PPP4R3B: variants seen among roughly 807,000 people sequenced by gnomAD.
The protein encoded by PPP4R3B is serine/threonine-protein phosphatase 4 regulatory subunit 3B.
PPP4R3B carries 52 observed loss-of-function variants against 95.4 expected under a neutral mutation model. The ratio of observed to expected loss-of-function variants is 0.54; its 90% confidence interval spans 0.44 to 0.69. PPP4R3B has a LOEUF of 0.69. Ranked by LOEUF, PPP4R3B falls within the 30% of genes least tolerant of loss-of-function variation. The pLI, the probability that PPP4R3B is intolerant of heterozygous loss-of-function variation, is 0.00. For missense variants in PPP4R3B, 1,003 were observed against 1,005.9 expected, an observed-to-expected ratio of 1.00 and a Z score of 0.04; for synonymous variants, 407 against 343.9, an observed-to-expected ratio of 1.18 and a Z score of -2.03.
At chr2:55,595,195 T>C (rs1364794779) in intron 4 of PPP4R3B, among the ~76,000 whole-genome samples, 2 of 152,012 alleles carry the variant, frequency 1.3e-5, no homozygotes. Context: ...GGCTAATTTT[T>C]GTATTTTTAG....
chr2:55,583,053 G>T (rs1689641971), intron 7 of PPP4R3B, among the ~76,000 whole-genome samples: 1 of 152,028 alleles, frequency 6.6e-6, no homozygotes, highest in African/African-American at 2.4e-5. Context: ...TGTAATCCAT[G>T]TTGCCATAAC....
intron 13 of PPP4R3B, among the ~76,000 whole-genome samples, chr2:55,566,913 G>A (rs1390944439): frequency 6.6e-6 from 1 of 152,178 alleles, no homozygotes; most frequent in Non-Finnish European, 1.5e-5. Flanking sequence ...GGCTGACGTG[G>A]GAGGATCTGC....
intron 9 of PPP4R3B, among the ~76,000 whole-genome samples, chr2:55,579,197 A>C (rs1352654183): frequency 6.6e-6 from 1 of 152,106 alleles, no homozygotes; most frequent in Non-Finnish European, 1.5e-5. Context: ...AGAATATGGA[A>C]ATGCAATTTT....
At chr2:55,589,966 T>C in intron 4 of PPP4R3B, among the ~76,000 whole-genome samples, 1 of 141,454 alleles carries the variant, frequency 7.1e-6, no homozygotes. Context: ...ATTATATATA[T>C]ATTTATATAT....
At chr2:55,603,341 C>T (rs909519833) in intron 3 of PPP4R3B, among the ~76,000 whole-genome samples, 1 of 152,132 alleles carries the variant, frequency 6.6e-6, no homozygotes, top group Non-Finnish European at 1.5e-5. Context: ...AAGGTATAAT[C>T]TAATACAGTA....
intron 4 of PPP4R3B, among the ~76,000 whole-genome samples, chr2:55,592,959 A>C (rs6712511): frequency 6.6e-6 from 1 of 152,070 alleles, no homozygotes; most frequent in African/African-American, 2.4e-5. Flanking sequence ...TTGGGAGTTC[A>C]AGACCAGCCT....
intron 6 of PPP4R3B, 30 bp downstream of exon 6, chr2:55,586,588 C>G: frequency 7.3e-7 from 1 of 1,374,214 alleles, no homozygotes; most frequent in Non-Finnish European, 1.0e-6. Context: ...TTTACAATTT[C>G]AAAAACATGA....
At chr2:55,609,829 T>A (rs75403936) in intron 2 of PPP4R3B, among the ~76,000 whole-genome samples, 3,864 of 152,228 alleles carry the variant, frequency 0.025, 162 homozygotes, top group African/African-American at 0.087. Context: ...TACAATTGTA[T>A]GCATATTTGC....
chr2:55,612,742 A>G (rs1036717475), intron 2 of PPP4R3B, among the ~76,000 whole-genome samples: 16 of 152,216 alleles, frequency 1.1e-4, no homozygotes, highest in Non-Finnish European at 2.4e-4. Flanking sequence ...CAGGAGATCG[A>G]GACCATTCTG....
intron 16 of PPP4R3B, among the ~76,000 whole-genome samples, chr2:55,557,472 C>A (rs1013138): frequency 0.22 from 33,603 of 152,118 alleles, 3,824 homozygotes; most frequent in East Asian, 0.3. Flanking sequence ...GGATACTGTG[C>A]CCAGCCCAAA....
At chr2:55,581,532 G>C in intron 8 of PPP4R3B, 35 bp downstream of exon 8, 2 of 1,596,242 alleles carry the variant, frequency 1.3e-6, no homozygotes, top group South Asian at 2.3e-5. Flanking sequence ...AAACTGACTA[G>C]GCCAAAACAT....
intron 10 of PPP4R3B, 123 bp downstream of exon 10, chr2:55,578,124 G>C (rs760488422): frequency 5.9e-6 from 6 of 1,010,554 alleles, no homozygotes; most frequent in African/African-American, 3.3e-5. Flanking sequence ...AAAATATGCA[G>C]AATAATATGT....
intron 4 of PPP4R3B, among the ~76,000 whole-genome samples, chr2:55,595,011 C>T (rs1691566779): frequency 6.6e-6 from 1 of 150,624 alleles, no homozygotes; most frequent in Non-Finnish European, 1.5e-5. Flanking sequence ...TTATTTGTAT[C>T]AGGACCCTTT....
chr2:55,555,793 T>A (rs955365500), intron 16 of PPP4R3B, among the ~76,000 whole-genome samples: 1 of 152,210 alleles, frequency 6.6e-6, no homozygotes, highest in Non-Finnish European at 1.5e-5. Context: ...AAATCTCTAA[T>A]GTCCTGATAT....
chr2:55,565,138 A>C (rs974207464), intron 13 of PPP4R3B, 97 bp from the exon 14 acceptor site: 2 of 981,244 alleles, frequency 2.0e-6, no homozygotes, highest in Non-Finnish European at 2.8e-6. Context: ...CTGATCAAAA[A>C]AGGTTTTTCA....
intron 11 of PPP4R3B, among the ~76,000 whole-genome samples, chr2:55,576,011 G>A (rs550282019): frequency 1.3e-5 from 2 of 151,904 alleles, no homozygotes; most frequent in African/African-American, 4.8e-5. Flanking sequence ...TGCTCTAACA[G>A]CCAGTACCAC....
chr2:55,607,830 A>C (rs1274778623), intron 2 of PPP4R3B, among the ~76,000 whole-genome samples: 1 of 152,198 alleles, frequency 6.6e-6, no homozygotes, highest in Non-Finnish European at 1.5e-5. Flanking sequence ...ATCTACAGTC[A>C]GGTCAATGGA....
intron 16 of PPP4R3B, among the ~76,000 whole-genome samples, chr2:55,550,550 T>C (rs890769575): frequency 2.0e-5 from 3 of 152,110 alleles, no homozygotes; most frequent in African/African-American, 7.2e-5. Context: ...AAAAGAACAA[T>C]AAGGATGAGG....
At chr2:55,588,837 AAAGAAT>A in intron 5 of PPP4R3B, 36 bp downstream of exon 5, 1 of 1,377,724 alleles carries the variant, frequency 7.3e-7, no homozygotes, top group Middle Eastern at 1.8e-4. Flanking sequence ...GTGCATGCCA[AAAGAAT>A]AAGTGCTCTT....
Sources: allele counts gnomAD v4.1 joint callset (sites outside exome capture counted in the v4.1 genomes callset), GRCh38; gene constraint gnomAD v4.1.1; transcripts MANE v1.5; gene names NCBI Gene and HGNC (gene_info 2026-07-23, HGNC 2026-07-21).